XYLT1: variants seen among roughly 807,000 people sequenced by gnomAD.
XYLT1 encodes beta-D-xylosyltransferase 1.
A neutral mutation model predicts 91.3 loss-of-function variants in XYLT1; 36 were observed. The observed-to-expected ratio is 0.39, with a 90% CI of 0.30 to 0.52. The LOEUF (loss-of-function observed/expected upper bound fraction) is 0.52, where lower values mean the gene tolerates loss of function less well. XYLT1 is among the 20% of genes least tolerant of loss of function. XYLT1 has a pLI of 0.68. For synonymous variants in XYLT1, 588 were observed against 532.0 expected, an observed-to-expected ratio of 1.11 and a Z score of -1.45; for missense variants, 1,242 against 1,284.5, an observed-to-expected ratio of 0.97 and a Z score of 0.51.
At position 17,179,678 on chromosome 16, in the gene XYLT1, G is replaced by A. The variant is rs78904486; in HGVS notation, c.1289+18534C>T. 3.3e-3 allele frequency among the ~76,000 whole-genome samples: 499 copies of A among 152,276 alleles called. 20 individuals are homozygous for A. In the East Asian group the frequency reaches 0.082, roughly 25 times the overall value. On this transcript the variant is annotated intron_variant, in intron 5 of 11. Coordinates refer to ENST00000261381, the MANE Select transcript of XYLT1 (RefSeq NM_022166.4). Reference sequence around the variant, plus strand: ...CTGGAGTATACCAGGCACTCAATAAGTACTTGCCAAATGACTGAAGAGCCA... The same window carrying A: ...CTGGAGTATACCAGGCACTCAATAAATACTTGCCAAATGACTGAAGAGCCA...
At chr16:17,226,613 C>A (rs959979363) in intron 3 of XYLT1, among the ~76,000 whole-genome samples, 1 of 152,126 alleles carries the variant, frequency 6.6e-6, no homozygotes, top group Non-Finnish European at 1.5e-5. Context: ...CGTGGCGAAA[C>A]CCTGTCTCTA....
At chr16:17,436,998 G>C (rs547567066) in intron 1 of XYLT1, among the ~76,000 whole-genome samples, 51 of 152,204 alleles carry the variant, frequency 3.4e-4, no homozygotes, top group African/African-American at 1.2e-3. Context: ...GTCCTTCCTG[G>C]GGGCCAGACC....
intron 1 of XYLT1, among the ~76,000 whole-genome samples, chr16:17,414,239 T>C (rs1482487059): frequency 6.6e-6 from 1 of 152,212 alleles, no homozygotes; most frequent in African/African-American, 2.4e-5. Context: ...TATTTATTTA[T>C]TTGGTGGGCT....
rs544712809 is a variant in XYLT1 at position 17,200,405 on chromosome 16, G to A, written c.1086+77C>T. The A allele has an allele frequency of 5.2e-6, 8 of 1,541,834 alleles. No individual in the cohort carries two copies. The South Asian group carries it at 9.7e-5, about 19-fold the overall frequency. ...AAAGCAGGCAGTCTGGACTAGCAAT[G>A]CAGAAGGAGGGTATCAGGGAGGGAC... On this transcript the variant is annotated intron_variant, in intron 4 of 11. Transcript: ENST00000261381.
intron 3 of XYLT1, among the ~76,000 whole-genome samples, chr16:17,201,265 C>T (rs1338292953): frequency 6.6e-6 from 1 of 152,156 alleles, no homozygotes; most frequent in African/African-American, 2.4e-5. Context: ...TCATCCTCCT[C>T]TCCTCTATTC....
intron 10 of XYLT1, 151 bp downstream of exon 10, chr16:17,127,515 G>T: frequency 1.1e-6 from 1 of 916,662 alleles, no homozygotes; most frequent in Non-Finnish European, 1.6e-6. Flanking sequence ...TGGGGCCGGA[G>T]AACCTTCTTC....
At chr16:17,394,337 G>A (rs2035858051) in intron 1 of XYLT1, among the ~76,000 whole-genome samples, 1 of 152,206 alleles carries the variant, frequency 6.6e-6, no homozygotes, top group Non-Finnish European at 1.5e-5. Flanking sequence ...ACGGAGAACA[G>A]ATTTCTACTC....
At chr16:17,246,314 G>T (rs1211160031) in intron 3 of XYLT1, among the ~76,000 whole-genome samples, 1 of 152,228 alleles carries the variant, frequency 6.6e-6, no homozygotes, top group Admixed American at 6.5e-5. Flanking sequence ...GCAGTTTCTT[G>T]TATAGAGACC....
intron 1 of XYLT1, among the ~76,000 whole-genome samples, chr16:17,453,620 T>C (rs560475600): frequency 2.0e-5 from 3 of 152,322 alleles, no homozygotes; most frequent in South Asian, 2.1e-4. Flanking sequence ...ATGTACAGCA[T>C]ATGCAGTCCC....
intron 3 of XYLT1, chr16:17,249,801 C>G (rs568754588): frequency 1.3e-5 from 2 of 152,018 alleles, no homozygotes; most frequent in African/African-American, 2.4e-5. Flanking sequence ...CTTGAGTAGC[C>G]GGGATTACAG....
intron 5 of XYLT1, among the ~76,000 whole-genome samples, chr16:17,191,593 C>T (rs1204442429): frequency 6.6e-6 from 1 of 152,210 alleles, no homozygotes; most frequent in Non-Finnish European, 1.5e-5. Flanking sequence ...AGTAGGTGTG[C>T]AGTAAGTGTC....
At position 17,281,331 on chromosome 16, in the gene XYLT1, C is replaced by T. The variant is rs187562056; in HGVS notation, c.403-21833G>A. Among the ~76,000 whole-genome samples, 52 of 152,184 alleles carry T rather than the reference C, an allele frequency of 3.4e-4. No homozygotes were observed. In the East Asian group the frequency reaches 7.9e-3, roughly 23 times the overall value. ...GAGCTGGAGGCAGGCATCAGAGCTC[C>T]GTTGCCTGGCCACACCCGGGGTTGT... is the stretch of plus-strand genomic sequence containing the variant. On this transcript the variant is annotated intron_variant, in intron 2 of 11. Transcript: ENST00000261381.
At chr16:17,445,822 A>G (rs983185940) in intron 1 of XYLT1, 1 of 152,218 alleles carries the variant, frequency 6.6e-6, no homozygotes. Flanking sequence ...TCAGCAGCTG[A>G]AGTGAGTGAA....
At chr16:17,403,944 T>C (rs1329217728) in intron 1 of XYLT1, among the ~76,000 whole-genome samples, 2 of 152,306 alleles carry the variant, frequency 1.3e-5, no homozygotes, top group South Asian at 2.1e-4. Flanking sequence ...TCAGGCCAGG[T>C]GGGAGCCATC....
At position 17,259,160 on chromosome 16, in the gene XYLT1, G is replaced by A. The variant is rs141549535; in HGVS notation, c.741C>T (p.Pro247=). Residue 247 remains proline, a synonymous_variant, in exon 3 of 12, where the codon CCC becomes CCT. Transcript: ENST00000261381. ...PHARKTGGSS[P]ETKYDQPPKC... ...TAGGGGGCTGGTCATACTTGGTCTC[G>A]GGGGAGCTGCCCCCAGTTTTCCTGG... 8.8e-6 allele frequency: 14 copies of A among 1,598,990 alleles called. No individual in the cohort carries two copies. In the African/African-American group the frequency reaches 1.4e-4, roughly 15 times the overall value.
At chr16:17,240,825 A>T (rs961498400) in intron 3 of XYLT1, among the ~76,000 whole-genome samples, 1 of 152,224 alleles carries the variant, frequency 6.6e-6, no homozygotes, top group African/African-American at 2.4e-5. Context: ...AGATACTATC[A>T]TTAGCCCCAT....
chr16:17,212,657 C>T (rs76590058), intron 3 of XYLT1, among the ~76,000 whole-genome samples: 305 of 152,268 alleles, frequency 2.0e-3, no homozygotes, highest in African/African-American at 7.0e-3. Flanking sequence ...TTTTCCTGCT[C>T]ACTGACTTCC....
intron 4 of XYLT1, 36 bp downstream of exon 4, chr16:17,200,446 A>C (rs2032517727): frequency 6.3e-7 from 1 of 1,595,196 alleles, no homozygotes. Flanking sequence ...GACCCCGAAG[A>C]AAGCCCAGCA....
intron 1 of XYLT1, among the ~76,000 whole-genome samples, chr16:17,447,946 G>C (rs1251234618): frequency 1.3e-5 from 2 of 152,248 alleles, no homozygotes; most frequent in South Asian, 2.1e-4. Flanking sequence ...CCTGTCGCTT[G>C]TGACATGCAT....
Sources: gnomAD v4.1 joint callset for allele counts (sites outside exome capture counted in the v4.1 genomes callset) on GRCh38, gnomAD v4.1.1 for gene constraint, MANE v1.5 for transcripts, NCBI Gene and HGNC (gene_info 2026-07-23, HGNC 2026-07-21) for gene names.